NRCAM: variants seen among roughly 807,000 people sequenced by gnomAD.
NRCAM encodes NgCAM-related cell adhesion molecule.
In NRCAM, 83 loss-of-function variants were observed where a neutral mutation model predicts 156.5. That is an observed-to-expected ratio of 0.53 (90% CI 0.44 to 0.64). The LOEUF (loss-of-function observed/expected upper bound fraction) is 0.64. NRCAM is among the 30% of genes least tolerant of loss of function. The pLI is 0.00. For synonymous variants in NRCAM, 538 were observed against 563.9 expected, an observed-to-expected ratio of 0.95 and a Z score of 0.65; for missense variants, 1,417 against 1,597.3, an observed-to-expected ratio of 0.89 and a Z score of 1.92.
chr7:108,416,955 C>T (rs947154380), intron 1 of NRCAM, among the ~76,000 whole-genome samples: 14 of 152,216 alleles, frequency 9.2e-5, no homozygotes, highest in Non-Finnish European at 1.5e-4. Flanking sequence ...GAGCAATTAA[C>T]GGACATTACA....
At chr7:108,280,422 C>A (rs994318544) in intron 3 of NRCAM, among the ~76,000 whole-genome samples, 17 of 152,244 alleles carry the variant, frequency 1.1e-4, no homozygotes, top group Admixed American at 7.2e-4. Flanking sequence ...CTAAGCATAT[C>A]CAGCAGTCAG....
intron 28 of NRCAM, among the ~76,000 whole-genome samples, chr7:108,172,020 T>C (rs2058632575): frequency 1.3e-5 from 2 of 152,222 alleles, no homozygotes; most frequent in African/African-American, 4.8e-5. Flanking sequence ...TTGACCATAG[T>C]AGGCTGCAAG....
At chr7:108,170,441 C>A (rs2057765688) in intron 28 of NRCAM, among the ~76,000 whole-genome samples, 1 of 152,158 alleles carries the variant, frequency 6.6e-6, no homozygotes, top group Non-Finnish European at 1.5e-5. Flanking sequence ...AAAGTCATCC[C>A]TCTGCTCACT....
At chr7:108,276,649 T>C (rs2154072519) in intron 3 of NRCAM, among the ~76,000 whole-genome samples, 1 of 152,286 alleles carries the variant, frequency 6.6e-6, no homozygotes, top group East Asian at 1.9e-4. Context: ...GAGGTGGGTC[T>C]CCTGAATACA....
chr7:108,413,557 G>C (rs927470920), intron 1 of NRCAM, among the ~76,000 whole-genome samples: 8 of 151,916 alleles, frequency 5.3e-5, no homozygotes, highest in African/African-American at 1.7e-4. Flanking sequence ...AGCCCTCCTT[G>C]ATTAATTACC....
Position 108,274,933 on chromosome 7 carries a change from G to GT in NRCAM, c.-106-34764dup, listed in dbSNP as rs202069911. On this transcript the variant is annotated intron_variant, in intron 3 of 32. Coordinates refer to ENST00000379028, the MANE Select transcript of NRCAM (RefSeq NM_001037132.4). ...TCCATTAATACCTCATTTATTGAAA[G>GT]TTTTTTAGCATGAAAGGCTGTTGGA... Among the ~76,000 whole-genome samples the GT allele has an allele frequency of 9.4e-3, 1,430 of 152,190 alleles. 26 individuals are homozygous for GT. Among genetic ancestry groups the GT allele is most frequent in the African/African-American group, 0.033 (1,356 of 41,524 alleles).
At chr7:108,171,156 G>C (rs2058232060) in intron 28 of NRCAM, among the ~76,000 whole-genome samples, 1 of 152,146 alleles carries the variant, frequency 6.6e-6, no homozygotes, top group African/African-American at 2.4e-5. Context: ...CAAGGGAGCT[G>C]TAGTGTCCCC....
chr7:108,456,672 G>A (rs1235331148), upstream of NRCAM: 1 of 152,202 alleles, frequency 6.6e-6, no homozygotes, highest in Non-Finnish European at 1.5e-5. Flanking sequence ...CCCCTCACCT[G>A]AGCGGCCGCC....
chr7:108,283,652 A>G (rs17155369), intron 3 of NRCAM, among the ~76,000 whole-genome samples: 6,278 of 152,272 alleles, frequency 0.041, 188 homozygotes, highest in South Asian at 0.12. Context: ...GAATGATATT[A>G]TCTACCGTGG....
chr7:108,446,019 T>G (rs1563844779), intron 1 of NRCAM, among the ~76,000 whole-genome samples: 2 of 152,174 alleles, frequency 1.3e-5, no homozygotes. Context: ...TCTCAGAAAG[T>G]GCTTAACTCA....
intron 8 of NRCAM, among the ~76,000 whole-genome samples, chr7:108,226,821 A>C (rs2093544422): frequency 6.6e-6 from 1 of 152,142 alleles, no homozygotes; most frequent in Admixed American, 6.6e-5. Flanking sequence ...AAATACGTGG[A>C]GACCATCTAA....
At position 108,180,308 on chromosome 7, in the gene NRCAM, G is replaced by A. The variant is rs146808435; in HGVS notation, c.2766C>T (p.Ser922=). Residue 922 remains serine, a synonymous_variant, in exon 25 of 33, where the codon AGC becomes AGT. Transcript: ENST00000379028. ...CCACTCGGACATTCAGTGTGTAGTGGCTAAAGGGCTCTAGCCCCGGCAACA... is the reference window on the plus strand; with the variant it reads ...CCACTCGGACATTCAGTGTGTAGTGACTAAAGGGCTCTAGCCCCGGCAACA... The part of the protein sequence containing the change: ...HGMLPGLEPF[S]HYTLNVRVVN... 8.7e-6 allele frequency: 14 copies of A among 1,614,062 alleles called. No individual in the cohort carries two copies. In the East Asian group the frequency reaches 3.1e-4, roughly 36 times the overall value.
intron 1 of NRCAM, among the ~76,000 whole-genome samples, chr7:108,442,656 T>C (rs1839941424): frequency 6.6e-6 from 1 of 152,238 alleles, no homozygotes; most frequent in Admixed American, 6.5e-5. Flanking sequence ...GGTCCCATGC[T>C]AGTACATCTG....
chr7:108,250,286 C>G (rs1003179250), intron 3 of NRCAM, among the ~76,000 whole-genome samples: 4 of 151,912 alleles, frequency 2.6e-5, no homozygotes, highest in Non-Finnish European at 5.9e-5. Context: ...ATAAGCTGGG[C>G]ATGGTGGCGA....
intron 32 of NRCAM, 59 bp from the exon 33 acceptor site, chr7:108,150,206 T>G: frequency 7.2e-7 from 1 of 1,391,250 alleles, no homozygotes. Context: ...TTTTCTGTTT[T>G]TAAAGACCAT....
At chr7:108,410,107 A>G (rs1793522837) in intron 1 of NRCAM, among the ~76,000 whole-genome samples, 1 of 152,210 alleles carries the variant, frequency 6.6e-6, no homozygotes, top group Non-Finnish European at 1.5e-5. Context: ...TCTCAAATCA[A>G]TATTCTTAAG....
chr7:108,189,592 C>T (rs2069751575), intron 20 of NRCAM, 53 bp downstream of exon 20: 1 of 784,430 alleles, frequency 1.3e-6, no homozygotes, highest in Non-Finnish European at 2.3e-6. Flanking sequence ...TTACAAAGTG[C>T]TTCAAACATG....
At chr7:108,438,629 T>C (rs1221198327) in intron 1 of NRCAM, among the ~76,000 whole-genome samples, 13 of 152,160 alleles carry the variant, frequency 8.5e-5, no homozygotes, top group Non-Finnish European at 1.9e-4. Context: ...TATTCAACAC[T>C]GTATTGGAGC....
intron 2 of NRCAM, among the ~76,000 whole-genome samples, chr7:108,346,743 C>T (rs1563364247): frequency 6.6e-6 from 1 of 152,108 alleles, no homozygotes; most frequent in Non-Finnish European, 1.5e-5. Context: ...AGCATGCTGT[C>T]CAATCCAGTA....
Sources: allele counts gnomAD v4.1 joint callset (sites outside exome capture counted in the v4.1 genomes callset), GRCh38; gene constraint gnomAD v4.1.1; transcripts MANE v1.5; gene names NCBI Gene and HGNC (gene_info 2026-07-23, HGNC 2026-07-21).